The following WBP2NL variants were observed in gnomAD, a reference collection of about 807,000 sequenced individuals.
WBP2NL encodes the protein postacrosomal sheath WW domain-binding protein.
A neutral mutation model predicts 23.3 loss-of-function variants in WBP2NL; 27 were observed. The ratio of observed to expected loss-of-function variants is 1.16; its 90% CI spans 0.85 to 1.60. The LOEUF is 1.60. Ranked by LOEUF, WBP2NL falls within the 40% of genes most tolerant of loss-of-function variation. The pLI, the probability that WBP2NL is intolerant of heterozygous loss-of-function variation, is 0.00. For synonymous variants in WBP2NL, 151 were observed against 145.9 expected (o/e 1.03, Z -0.25); for missense variants, 370 against 389.5 (o/e 0.95, Z 0.42).
chr22:42,001,912 C>A, intron 1 of WBP2NL: 2 of 1,434,348 alleles, frequency 1.4e-6, no homozygotes, highest in South Asian at 1.7e-5. Context: ...GAGATGGCTG[C>A]GGCCACTCCA....
downstream of WBP2NL, among the ~76,000 whole-genome samples, chr22:42,034,642 C>T (rs999717154): frequency 6.6e-6 from 1 of 152,110 alleles, no homozygotes; most frequent in Admixed American, 6.5e-5. Flanking sequence ...TCCTAATAAG[C>T]CTGGGAGCGC....
chr22:42,030,681 A>G (rs1470511115), downstream of WBP2NL: 2 of 152,256 alleles, frequency 1.3e-5, no homozygotes, highest in Non-Finnish European at 2.9e-5. Flanking sequence ...AAATAACGAG[A>G]TATTTTAAGT....
At chr22:41,999,415 G>A (rs577081163) in intron 1 of WBP2NL, among the ~76,000 whole-genome samples, 23 of 152,282 alleles carry the variant, frequency 1.5e-4, no homozygotes, top group African/African-American at 5.5e-4. Flanking sequence ...GCTTCTCCTT[G>A]GACCTGGAAA....
At chr22:42,022,421 T>G in intron 5 of WBP2NL, 65 bp downstream of exon 5, 1 of 1,408,048 alleles carries the variant, frequency 7.1e-7, no homozygotes, top group Non-Finnish European at 9.8e-7. Flanking sequence ...CAAAGATCTA[T>G]CCCTTGCAGG....
chr22:42,004,082 C>T (rs761695650), intron 1 of WBP2NL, among the ~76,000 whole-genome samples: 2 of 151,846 alleles, frequency 1.3e-5, no homozygotes, highest in African/African-American at 2.4e-5. Context: ...GACCAGCTGG[C>T]CAACGTGGTG....
intron 1 of WBP2NL, chr22:42,001,822 T>C: frequency 7.7e-7 from 1 of 1,290,642 alleles, no homozygotes; most frequent in Non-Finnish European, 1.1e-6. Flanking sequence ...TTGTATTGCT[T>C]ATCTGCAGTG....
At chr22:42,039,947 G>A (rs1161272621) in intron 8 of WBP2NL, among the ~76,000 whole-genome samples, 1 of 107,834 alleles carries the variant, frequency 9.3e-6, no homozygotes, top group Non-Finnish European at 1.9e-5. Context: ...GTCTTGTTTT[G>A]TTACCCAGAG....
chr22:42,005,369 T>G (rs566700811), intron 1 of WBP2NL, among the ~76,000 whole-genome samples: 3 of 150,946 alleles, frequency 2.0e-5, no homozygotes, highest in African/African-American at 7.3e-5. Flanking sequence ...CAAAAATTAG[T>G]TGGGGGTGGT....
intron 8 of WBP2NL, among the ~76,000 whole-genome samples, chr22:42,057,985 C>T (rs11912142): frequency 0.047 from 5,984 of 127,154 alleles, 488 homozygotes; most frequent in African/African-American, 0.17. Flanking sequence ...GGTGCCATCT[C>T]GGCTCACTGC....
intron 4 of WBP2NL, among the ~76,000 whole-genome samples, chr22:42,020,767 C>G (rs373589750): frequency 9.4e-5 from 14 of 149,016 alleles, no homozygotes; most frequent in East Asian, 3.9e-4. Flanking sequence ...AGTAGAGGTA[C>G]TGTCAAGACT....
At chr22:42,048,482 C>T (rs1925686000) in intron 8 of WBP2NL, among the ~76,000 whole-genome samples, 1 of 150,916 alleles carries the variant, frequency 6.6e-6, no homozygotes, top group African/African-American at 2.4e-5. Flanking sequence ...GCAGGCCGGG[C>T]ACGGTGGTTC....
rs868469457 is a variant in WBP2NL at position 42,047,285 on chromosome 22, A to G, written c.*274-11005A>G. 1.2e-3 allele frequency among the ~76,000 whole-genome samples: 183 copies of G among 151,576 alleles called. 1 individual carries two copies. Among genetic ancestry groups the G allele is most frequent in the Middle Eastern group, 6.8e-3 (2 of 292 alleles). On this transcript the variant is annotated intron_variant and NMD_transcript_variant, in intron 8 of 8. Transcript: ENST00000436265. ...TTTCAAGCTCAAAAAAAAAAAAAAA[A>G]AAAAAGAAAATCGGAGCAGAGAGAA...
At chr22:42,031,720 G>T (rs1924959425), downstream of WBP2NL, 1 of 149,922 alleles carries the variant, frequency 6.7e-6, no homozygotes, top group Non-Finnish European at 1.5e-5. Flanking sequence ...TTTCAAGATA[G>T]AATCTGGCTC....
chr22:42,018,514 TAAAG>T (rs1602455991), intron 1 of WBP2NL, among the ~76,000 whole-genome samples: 2 of 151,086 alleles, frequency 1.3e-5, no homozygotes, highest in South Asian at 4.2e-4. Context: ...GAAAGAAAGA[TAAAG>T]TAAGAAAAAA....
chr22:42,022,042 C>T (rs1057010764), intron 4 of WBP2NL, among the ~76,000 whole-genome samples: 59 of 152,196 alleles, frequency 3.9e-4, no homozygotes, highest in African/African-American at 1.4e-3. Context: ...TCAAGCAATC[C>T]TCCCATCTTG....
chr22:42,029,741 C>T (rs567300379), downstream of WBP2NL, among the ~76,000 whole-genome samples: 3 of 152,290 alleles, frequency 2.0e-5, no homozygotes, highest in South Asian at 6.2e-4. Context: ...TTTACATTTT[C>T]ATAGGTTTTG....
At chr22:42,052,745 C>T (rs555374150) in intron 8 of WBP2NL, among the ~76,000 whole-genome samples, 1 of 152,188 alleles carries the variant, frequency 6.6e-6, no homozygotes, top group South Asian at 2.1e-4. Context: ...CCAATGGTCA[C>T]TGAGTCCTGG....
intron 8 of WBP2NL, among the ~76,000 whole-genome samples, chr22:42,054,766 C>G (rs1925971580): frequency 6.6e-6 from 1 of 151,634 alleles, no homozygotes; most frequent in Admixed American, 6.6e-5. Flanking sequence ...GTTCATGCCT[C>G]TGATTCCAGT....
At position 42,020,899 on chromosome 22, in the gene WBP2NL, TATATATATA is replaced by T. The variant is rs1165278138; in HGVS notation, c.406+804_406+812del. On this transcript the variant is annotated intron_variant, in intron 4 of 5. Transcript: ENST00000328823. Reference sequence around the variant, plus strand: ...ATATATATATATATATATATATATATATATATATATTTTTTTTTTTTTTTTTTTTTTTTT... The same window carrying T: ...ATATATATATATATATATATATATATTTTTTTTTTTTTTTTTTTTTTTTTT... Among the ~76,000 whole-genome samples, 49 of 56,590 alleles carry T rather than the reference TATATATATA, an allele frequency of 8.7e-4. 1 individual carries two copies. Among genetic ancestry groups the T allele is most frequent in the African/African-American group, 1.0e-3 (14 of 13,792 alleles). The allele number at this position is 56,590 out of a possible 152,430, so 37.1% of individuals were successfully genotyped here.
Sources: allele counts gnomAD v4.1 joint callset (sites outside exome capture counted in the v4.1 genomes callset), GRCh38; gene constraint gnomAD v4.1.1; transcripts MANE v1.5; gene names NCBI Gene and HGNC (gene_info 2026-07-23, HGNC 2026-07-21).